KCNQ3: variants seen among roughly 807,000 people sequenced by gnomAD.
The protein encoded by KCNQ3 is potassium voltage-gated channel subfamily KQT member 3.
In KCNQ3, 30 loss-of-function variants were observed where a neutral mutation model predicts 92.5. The observed-to-expected ratio is 0.32, with a 90% CI of 0.24 to 0.44. The LOEUF (loss-of-function observed/expected upper bound fraction) is 0.44. Among genes scored for constraint, KCNQ3 ranks in the 20% least tolerant of loss-of-function variants. The pLI, the probability that KCNQ3 is intolerant of heterozygous loss-of-function variation, is 1.00. For missense variants in KCNQ3, 913 were observed against 1,140.3 expected, an observed-to-expected ratio of 0.80 and a Z score of 2.87; for synonymous variants, 450 against 468.8, an observed-to-expected ratio of 0.96 and a Z score of 0.52.
At chr8:132,275,604 G>A (rs967175755) in intron 1 of KCNQ3, among the ~76,000 whole-genome samples, 1 of 149,788 alleles carries the variant, frequency 6.7e-6, no homozygotes, top group Non-Finnish European at 1.5e-5. Flanking sequence ...TTTAGACAGA[G>A]TCTTGCTCTG....
chr8:132,222,102 A>G (rs1450283866), intron 1 of KCNQ3, among the ~76,000 whole-genome samples: 2 of 152,240 alleles, frequency 1.3e-5, no homozygotes, highest in Non-Finnish European at 2.9e-5. Context: ...TGCACAGCAA[A>G]AGAAACTACC....
intron 1 of KCNQ3, among the ~76,000 whole-genome samples, chr8:132,365,379 T>C (rs1173494062): frequency 6.6e-6 from 1 of 152,250 alleles, no homozygotes; most frequent in East Asian, 1.9e-4. Flanking sequence ...GCATTTTTCC[T>C]ACGTTTTACC....
At chr8:132,392,979 CAG>C (rs1307981530) in intron 1 of KCNQ3, among the ~76,000 whole-genome samples, 1 of 151,944 alleles carries the variant, frequency 6.6e-6, no homozygotes, top group Non-Finnish European at 1.5e-5. Context: ...GAATAAAAAT[CAG>C]AGAATGCTAA....
chr8:132,412,598 C>T (rs1197416999), intron 1 of KCNQ3, among the ~76,000 whole-genome samples: 1 of 152,212 alleles, frequency 6.6e-6, no homozygotes, highest in African/African-American at 2.4e-5. Context: ...GTGCATCCCA[C>T]ATATGAGCCC....
intron 1 of KCNQ3, among the ~76,000 whole-genome samples, chr8:132,366,142 G>C (rs1435457158): frequency 6.6e-6 from 1 of 152,004 alleles, no homozygotes; most frequent in Non-Finnish European, 1.5e-5. Context: ...ATTTATTTAG[G>C]GCTCTTGTTG....
intron 1 of KCNQ3, among the ~76,000 whole-genome samples, chr8:132,467,836 A>G (rs1822208172): frequency 6.6e-6 from 1 of 152,246 alleles, no homozygotes. Flanking sequence ...AAGCCAGAGG[A>G]AACAAGACTC....
intron 1 of KCNQ3, among the ~76,000 whole-genome samples, chr8:132,429,058 A>C (rs776463134): frequency 2.6e-5 from 4 of 152,246 alleles, no homozygotes; most frequent in Non-Finnish European, 5.9e-5. Flanking sequence ...GAGCAATGCC[A>C]AACTTTGAAT....
At chr8:132,307,875 TTG>T (rs1286727679) in intron 1 of KCNQ3, among the ~76,000 whole-genome samples, 2 of 151,362 alleles carry the variant, frequency 1.3e-5, no homozygotes, top group East Asian at 3.9e-4. Context: ...AGTCGGGGAG[TTG>T]CACAGCTCCC....
At chr8:132,466,471 C>G (rs1822174631) in intron 1 of KCNQ3, among the ~76,000 whole-genome samples, 1 of 152,152 alleles carries the variant, frequency 6.6e-6, no homozygotes, top group Non-Finnish European at 1.5e-5. Flanking sequence ...TTCTCTGCCC[C>G]CAGGAGCACC....
chr8:132,247,417 C>A (rs911346946), intron 1 of KCNQ3, among the ~76,000 whole-genome samples: 1 of 152,162 alleles, frequency 6.6e-6, no homozygotes, highest in African/African-American at 2.4e-5. Context: ...CACAAAATAA[C>A]CTTGTTATTA....
At chr8:132,240,182 CTTTTTTTT>C (rs11342824) in intron 1 of KCNQ3, among the ~76,000 whole-genome samples, 1 of 111,908 alleles carries the variant, frequency 8.9e-6, no homozygotes, top group Non-Finnish European at 1.8e-5. Flanking sequence ...TGCCATGATT[CTTTTTTTT>C]TTTTTTTTTT....
chr8:132,175,508 C>T lies in KCNQ3; in HGVS notation c.878G>A (p.Gly293Glu), dbSNP rs1064795142. 2.5e-6 allele frequency: 4 copies of T among 1,614,078 alleles called. No homozygotes were observed. The highest frequency in any genetic ancestry group is 1.3e-5 in the African/African-American group (1 of 74,938). Residue 293 changes from glycine to glutamate, a missense_variant, in exon 5 of 15, where the codon GGA becomes GAA. This residue lies in a region of KCNQ3 where 21 missense variants were observed against 16.3 expected (regional missense o/e 1.29). Transcript: ENST00000388996. ...CTCAAACTCCTCTTTCATCTCCTCT[C>T]CTTGTGCATCCACCTCTGGGACGTC... is the stretch of plus-strand genomic sequence containing the variant. ...EKDVPEVDAQ[G>E]EEMKEEFETY...
At chr8:132,203,107 C>G (rs934876043) in intron 1 of KCNQ3, among the ~76,000 whole-genome samples, 2 of 152,134 alleles carry the variant, frequency 1.3e-5, no homozygotes, top group African/African-American at 4.8e-5. Flanking sequence ...CAAGAGAGGG[C>G]CAAACTCACT....
At chr8:132,345,631 G>A (rs2130694460) in intron 1 of KCNQ3, among the ~76,000 whole-genome samples, 1 of 152,332 alleles carries the variant, frequency 6.6e-6, no homozygotes, top group South Asian at 2.1e-4. Context: ...ATTTCCAACT[G>A]GGGAATGTTT....
intron 1 of KCNQ3, among the ~76,000 whole-genome samples, chr8:132,429,590 G>A (rs1377370397): frequency 6.6e-5 from 10 of 152,210 alleles, no homozygotes; most frequent in Non-Finnish European, 1.3e-4. Flanking sequence ...GCTGGGTGCA[G>A]TGGCTCACGC....
At chr8:132,384,792 T>C (rs1819849341) in intron 1 of KCNQ3, among the ~76,000 whole-genome samples, 1 of 152,208 alleles carries the variant, frequency 6.6e-6, no homozygotes, top group African/African-American at 2.4e-5. Context: ...CTACTCTATG[T>C]CTAGTGCTAA....
intron 1 of KCNQ3, among the ~76,000 whole-genome samples, chr8:132,213,924 G>A (rs1029833338): frequency 1.2e-4 from 18 of 152,270 alleles, no homozygotes; most frequent in Admixed American, 4.6e-4. Flanking sequence ...CTCTGTAGAG[G>A]TGAGGACACT....
At chr8:132,315,547 C>A (rs1361568333) in intron 1 of KCNQ3, among the ~76,000 whole-genome samples, 2 of 152,096 alleles carry the variant, frequency 1.3e-5, no homozygotes, top group Non-Finnish European at 2.9e-5. Flanking sequence ...CCAATGACTA[C>A]TTTAAAAGAA....
At chr8:132,351,218 T>A (rs1028099589) in intron 1 of KCNQ3, among the ~76,000 whole-genome samples, 2 of 152,346 alleles carry the variant, frequency 1.3e-5, no homozygotes, top group East Asian at 1.9e-4. Flanking sequence ...ATTCCCATTG[T>A]TCAGATGAGG....
Sources: allele counts gnomAD v4.1 joint callset (sites outside exome capture counted in the v4.1 genomes callset), GRCh38; gene constraint gnomAD v4.1.1; regional missense constraint gnomAD v4.1.1; transcripts MANE v1.5; gene names NCBI Gene and HGNC (gene_info 2026-07-23, HGNC 2026-07-21).